Variants in PPFIA1 observed in about 807,000 individuals in gnomAD.
The protein encoded by PPFIA1 is PPFI scaffold protein A1.
Under a neutral mutation model 149.9 loss-of-function variants are expected in PPFIA1, and 25 were observed. That is an observed-to-expected ratio of 0.17 (90% CI 0.12 to 0.23). The LOEUF is 0.23. Among genes scored for constraint, PPFIA1 ranks in the 10% least tolerant of loss-of-function variants. PPFIA1 has a pLI of 1.00. For missense variants in PPFIA1, 1,362 were observed against 1,506.5 expected (o/e 0.90, Z 1.59); for synonymous variants, 549 against 552.8 (o/e 0.99, Z 0.10).
chr11:70,280,097 G>T (rs941460021), intron 2 of PPFIA1, among the ~76,000 whole-genome samples: 1 of 151,900 alleles, frequency 6.6e-6, no homozygotes, highest in African/African-American at 2.4e-5. Context: ...CAGTGGAGGT[G>T]GGGTTTTGCC....
rs1032413843 is a variant in PPFIA1, at chr11:70,351,079, A to T, written c.2163+2659A>T. 7.2e-6 allele frequency: 7 copies of T among 968,314 alleles called. No individual in the cohort carries two copies. In the South Asian group the frequency reaches 1.1e-4, roughly 15 times the overall value. The allele number at this position is 968,314 out of a possible 1,614,324, so 60.0% of individuals were successfully genotyped here. On this transcript the variant is annotated intron_variant, in intron 16 of 27. Transcript: ENST00000253925. ...GTATCTCCATAATGTATTGAAGAGT[A>T]CCTATCATATTTTCCATAAATGTAG...
intron 15 of PPFIA1, among the ~76,000 whole-genome samples, chr11:70,344,453 A>AAGCGGG (rs1245375388): frequency 6.6e-6 from 1 of 152,224 alleles, no homozygotes; most frequent in East Asian, 1.9e-4. Flanking sequence ...ATATGGTGGG[A>AAGCGGG]AGCGGGAGGA....
At chr11:70,324,584 A>T in intron 3 of PPFIA1, 81 bp downstream of exon 3, 1 of 1,202,980 alleles carries the variant, frequency 8.3e-7, no homozygotes, top group Non-Finnish European at 1.2e-6. Context: ...CGAAAGGACG[A>T]CCCACTCTGT....
rs142111181 is a variant in PPFIA1, at chr11:70,319,764, C to T, written c.265-4638C>T. Among the ~76,000 whole-genome samples the T allele has an allele frequency of 8.0e-4, 122 of 152,320 alleles. 1 individual carries two copies. Among genetic ancestry groups the T allele is most frequent in the African/African-American group, 2.5e-3 (102 of 41,584 alleles). On this transcript the variant is annotated intron_variant, in intron 2 of 27. Transcript: ENST00000253925. Reference sequence around the variant, plus strand: ...AATGGCTGCCCACTTATGACCTCACCGGCTTCCTCCATACACGCTGCCCAT... The same window carrying T: ...AATGGCTGCCCACTTATGACCTCACTGGCTTCCTCCATACACGCTGCCCAT...
Position 70,304,145 on chromosome 11 carries a change from AG to A in PPFIA1, c.265-20256del, listed in dbSNP as rs1197051344. Among the ~76,000 whole-genome samples, 8 of 152,352 alleles carry A rather than the reference AG, an allele frequency of 5.3e-5. No individual in the cohort carries two copies. In the East Asian group the frequency reaches 9.6e-4, roughly 18 times the overall value. ...TATCCAGTGGCCAATGATGTTAATC[AG>A]TCATGCCTATGTAACAAAGCCTAAA... is the stretch of plus-strand genomic sequence containing the variant. On this transcript the variant is annotated intron_variant, in intron 2 of 27. Transcript: ENST00000253925.
chr11:70,361,413 G>A (rs2056638202), intron 19 of PPFIA1, among the ~76,000 whole-genome samples: 1 of 152,150 alleles, frequency 6.6e-6, no homozygotes, highest in Non-Finnish European at 1.5e-5. Flanking sequence ...TATGTAAATA[G>A]CTGTTGTACT....
chr11:70,281,264 C>T (rs1034991987), intron 2 of PPFIA1, among the ~76,000 whole-genome samples: 1 of 152,200 alleles, frequency 6.6e-6, no homozygotes, highest in Non-Finnish European at 1.5e-5. Context: ...TCATCTGGCA[C>T]ATGCCCAGAG....
chr11:70,324,186 G>A (rs2054130150), intron 2 of PPFIA1, among the ~76,000 whole-genome samples: 1 of 152,220 alleles, frequency 6.6e-6, no homozygotes, highest in African/African-American at 2.4e-5. Context: ...GTCCCAGGGT[G>A]CAGGGATAGA....
chr11:70,332,445 T>A (rs528409315), intron 9 of PPFIA1, among the ~76,000 whole-genome samples: 88 of 152,276 alleles, frequency 5.8e-4, no homozygotes, highest in African/African-American at 2.0e-3. Flanking sequence ...TGCCGTTCTT[T>A]TAAAAACACC....
chr11:70,306,609 GATGTGTGTAC>G (rs1464449240), intron 2 of PPFIA1, among the ~76,000 whole-genome samples: 3 of 152,200 alleles, frequency 2.0e-5, no homozygotes, highest in Non-Finnish European at 4.4e-5. Flanking sequence ...CATAAGGCCC[GATGTGTGTAC>G]TTTCTGATAA....
chr11:70,272,327 A>G lies in PPFIA1; in HGVS notation c.155A>G (p.Asp52Gly), dbSNP rs753809218. The part of the protein sequence containing the change: ...SMLEERDRLL[D>G]TLRETQETLA... ...CTAGAAGAAAGGGACCGCCTTCTTGATACACTGAGAGAGACTCAAGAAACG... is the reference window on the plus strand; with the variant it reads ...CTAGAAGAAAGGGACCGCCTTCTTGGTACACTGAGAGAGACTCAAGAAACG... Residue 52 changes from aspartate (D) to glycine (G), a missense_variant, in exon 2 of 28, where the codon GAT becomes GGT. Around this residue, in one of 7 missense-constraint regions of PPFIA1, gnomAD observed 100 missense variants for 106.2 expected, o/e 0.94. Coordinates refer to ENST00000253925, the MANE Select transcript of PPFIA1 (RefSeq NM_003626.5). 3 of 1,614,170 alleles carry G rather than the reference A, an allele frequency of 1.9e-6. No homozygotes were observed. Among genetic ancestry groups the G allele is most frequent in the Admixed American group, 1.7e-5 (1 of 60,026 alleles).
chr11:70,283,000 C>A (rs1218259841), intron 2 of PPFIA1, among the ~76,000 whole-genome samples: 1 of 151,332 alleles, frequency 6.6e-6, no homozygotes, highest in Non-Finnish European at 1.5e-5. Context: ...TCACCATGCC[C>A]GGCTGATTTT....
chr11:70,293,033 C>G (rs1011004553), intron 2 of PPFIA1, among the ~76,000 whole-genome samples: 1 of 151,720 alleles, frequency 6.6e-6, no homozygotes, highest in South Asian at 2.1e-4. Flanking sequence ...CTAGTCTGAG[C>G]AAGGTGCCTG....
chr11:70,300,628 G>C (rs2052426082), intron 2 of PPFIA1, among the ~76,000 whole-genome samples: 1 of 151,856 alleles, frequency 6.6e-6, no homozygotes, highest in Admixed American at 6.6e-5. Context: ...TCCCCTCCTG[G>C]TTTCATGCCA....
At chr11:70,274,652 AT>A (rs1591009450) in intron 2 of PPFIA1, among the ~76,000 whole-genome samples, 1 of 152,018 alleles carries the variant, frequency 6.6e-6, no homozygotes, top group East Asian at 1.9e-4. Flanking sequence ...GCTCACAGAC[AT>A]TTGGGGTTGT....
chr11:70,382,038 A>C, intron 26 of PPFIA1, 50 bp from the exon 27 acceptor site: 1 of 1,550,920 alleles, frequency 6.4e-7, no homozygotes. Context: ...ATGTTCTAAG[A>C]CTAACTGCAC....
At chr11:70,352,567 G>T (rs1221597594) in intron 16 of PPFIA1, among the ~76,000 whole-genome samples, 1 of 152,058 alleles carries the variant, frequency 6.6e-6, no homozygotes, top group Non-Finnish European at 1.5e-5. Context: ...CCAGGGGTGC[G>T]TGCAGAGTGC....
rs1280448938 is a variant in PPFIA1 at position 70,340,025 on chromosome 11, A to T, written c.1707+719A>T. Among the ~76,000 whole-genome samples the T allele has an allele frequency of 2.0e-5, 3 of 151,964 alleles. No homozygotes were observed. In the South Asian group the frequency reaches 6.2e-4, roughly 32 times the overall value. ...GAAACTCCATCTTAAAAAATAAAAT[A>T]AAAAGCCGAGTGCAGTGCCTCACAC... On this transcript the variant is annotated intron_variant, in intron 14 of 27. Transcript: ENST00000253925.
At chr11:70,287,638 TG>T (rs1336912163) in intron 2 of PPFIA1, among the ~76,000 whole-genome samples, 5 of 151,520 alleles carry the variant, frequency 3.3e-5, no homozygotes, top group Admixed American at 1.3e-4. Flanking sequence ...CTTTTTTTTT[TG>T]TTTTTTAAAA....
Sources: gnomAD v4.1 joint callset for allele counts (sites outside exome capture counted in the v4.1 genomes callset) on GRCh38, gnomAD v4.1.1 for gene constraint, gnomAD v4.1.1 regional missense constraint, MANE v1.5 for transcripts, NCBI Gene and HGNC (gene_info 2026-07-23, HGNC 2026-07-21) for gene names.